SGCD: variants seen among roughly 807,000 people sequenced by gnomAD.
The protein encoded by SGCD is sarcoglycan delta, also known as delta-sarcoglycan.
SGCD carries 18 observed loss-of-function variants against 36.6 expected under a neutral mutation model. The observed-to-expected ratio is 0.49, with a 90% CI of 0.34 to 0.73. SGCD has a LOEUF of 0.73. Among genes scored for constraint, SGCD ranks in the 30% least tolerant of loss-of-function variants. The probability of loss-of-function intolerance (pLI) is 0.01; values close to 1 mark genes in which losing one functional copy is unlikely to be tolerated. For missense variants in SGCD, 387 were observed against 346.7 expected, an observed-to-expected ratio of 1.12 and a Z score of -0.92; for synonymous variants, 133 against 130.6, an observed-to-expected ratio of 1.02 and a Z score of -0.12.
intron 1 of SGCD, among the ~76,000 whole-genome samples, chr5:156,091,799 C>T (rs945883849): frequency 3.3e-5 from 5 of 152,344 alleles, no homozygotes; most frequent in Admixed American, 6.5e-5. Flanking sequence ...AAAGTCAATA[C>T]CTCATGAGGC....
the SGCD span, among the ~76,000 whole-genome samples, chr5:155,772,931 C>G: frequency 2.0e-5 from 3 of 152,046 alleles, no homozygotes; most frequent in African/African-American, 7.2e-5. Flanking sequence ...ATTTATAAAC[C>G]AAAGCATGCC....
chr5:156,321,903 C>A (rs1767683242), upstream of SGCD, among the ~76,000 whole-genome samples: 1 of 152,170 alleles, frequency 6.6e-6, no homozygotes, highest in Admixed American at 6.5e-5. Context: ...CATCTCTCCC[C>A]CCATCCTCTT....
At chr5:156,468,096 C>A (rs2127824579) in intron 3 of SGCD, among the ~76,000 whole-genome samples, 1 of 152,152 alleles carries the variant, frequency 6.6e-6, no homozygotes, top group African/African-American at 2.4e-5. Context: ...TGCCTGTAAT[C>A]CCAGCACTTC....
intron 3 of SGCD, among the ~76,000 whole-genome samples, chr5:156,398,692 C>T (rs938024929): frequency 1.3e-5 from 2 of 152,204 alleles, no homozygotes; most frequent in African/African-American, 4.8e-5. Flanking sequence ...ATACATACCA[C>T]TTACATGCCT....
intron 1 of SGCD, among the ~76,000 whole-genome samples, chr5:155,910,438 G>A (rs1453765091): frequency 6.6e-6 from 1 of 152,068 alleles, no homozygotes; most frequent in Non-Finnish European, 1.5e-5. Context: ...TGACAGACAA[G>A]CGGAATTAGG....
chr5:156,592,964 G>T (rs1760782601), intron 5 of SGCD, among the ~76,000 whole-genome samples: 1 of 152,186 alleles, frequency 6.6e-6, no homozygotes, highest in Non-Finnish European at 1.5e-5. Context: ...TCCCATTGCA[G>T]TAGAATGGCG....
At chr5:156,602,091 C>T (rs1248647462) in intron 6 of SGCD, among the ~76,000 whole-genome samples, 1 of 152,152 alleles carries the variant, frequency 6.6e-6, no homozygotes, top group Non-Finnish European at 1.5e-5. Flanking sequence ...TGGAGTCTCT[C>T]TTCACTTATT....
At chr5:155,911,319 G>A (rs526528) in intron 1 of SGCD, among the ~76,000 whole-genome samples, 12,160 of 141,316 alleles carry the variant, frequency 0.086, 1,101 homozygotes, top group Admixed American at 0.29. Flanking sequence ...GTGTGTGTGT[G>A]TATATATATA....
chr5:156,488,487 G>C (rs1463112262), intron 3 of SGCD, among the ~76,000 whole-genome samples: 1 of 151,966 alleles, frequency 6.6e-6, no homozygotes, highest in Non-Finnish European at 1.5e-5. Flanking sequence ...GGCCAGGAGA[G>C]AATGGGATGA....
At chr5:156,641,600 T>G (rs1763030545) in intron 6 of SGCD, among the ~76,000 whole-genome samples, 1 of 152,204 alleles carries the variant, frequency 6.6e-6, no homozygotes, top group African/African-American at 2.4e-5. Context: ...GTAAAGGCAA[T>G]TTCTATTGTG....
the SGCD span, among the ~76,000 whole-genome samples, chr5:155,836,376 T>G: frequency 1.3e-5 from 2 of 152,198 alleles, no homozygotes; most frequent in Non-Finnish European, 2.9e-5. Flanking sequence ...ATATGTAGAC[T>G]TTCTTCCTTT....
chr5:156,077,174 T>C (rs376060163), intron 1 of SGCD, among the ~76,000 whole-genome samples: 57 of 152,274 alleles, frequency 3.7e-4, no homozygotes, highest in African/African-American at 1.3e-3. Context: ...TTTTTGATAA[T>C]ATTTTGGCTT....
chr5:156,466,492 C>T (rs982646538), intron 3 of SGCD, among the ~76,000 whole-genome samples: 6 of 152,168 alleles, frequency 3.9e-5, no homozygotes, highest in African/African-American at 1.2e-4. Context: ...ATTTACCCAA[C>T]TCTCCCCTCA....
chr5:156,739,735 C>G (rs1396123760), intron 7 of SGCD: 2 of 152,110 alleles, frequency 1.3e-5, no homozygotes, highest in East Asian at 3.9e-4. Flanking sequence ...ACAGTCAGAA[C>G]CATGGATTAT....
chr5:156,281,661 A>T (rs1359757840), intron 3 of SGCD, among the ~76,000 whole-genome samples: 1 of 152,170 alleles, frequency 6.6e-6, no homozygotes, highest in Non-Finnish European at 1.5e-5. Flanking sequence ...TTTGACAAAA[A>T]AATAGATATA....
chr5:156,638,738 C>T (rs912470401), intron 6 of SGCD, among the ~76,000 whole-genome samples: 3 of 152,036 alleles, frequency 2.0e-5, no homozygotes, highest in Non-Finnish European at 4.4e-5. Context: ...TAATGATACA[C>T]TGAGCATGAG....
intron 1 of SGCD, among the ~76,000 whole-genome samples, chr5:155,949,872 A>G (rs1581007775): frequency 1.3e-5 from 2 of 152,094 alleles, no homozygotes; most frequent in African/African-American, 2.4e-5. Context: ...GTATAATACC[A>G]CCTCCTATCA....
intron 3 of SGCD, among the ~76,000 whole-genome samples, chr5:156,389,048 G>A (rs1771427571): frequency 6.6e-6 from 1 of 152,076 alleles, no homozygotes; most frequent in African/African-American, 2.4e-5. Flanking sequence ...CTTATACATT[G>A]CCTCCCATCA....
chr5:156,085,272 G>C (rs1761064973), intron 1 of SGCD, among the ~76,000 whole-genome samples: 1 of 152,126 alleles, frequency 6.6e-6, no homozygotes, highest in Admixed American at 6.5e-5. Context: ...ATGTTGAACT[G>C]TAACCCCCAG....
Sources: gnomAD v4.1 joint callset for allele counts (sites outside exome capture counted in the v4.1 genomes callset) on GRCh38, gnomAD v4.1.1 for gene constraint, MANE v1.5 for transcripts, NCBI Gene and HGNC (gene_info 2026-07-23, HGNC 2026-07-21) for gene names.